Variants in IQCM observed in about 807,000 individuals in gnomAD.
IQCM encodes IQ domain-containing protein M.
In IQCM, 45 loss-of-function variants were observed where a neutral mutation model predicts 57.6. The observed-to-expected ratio is 0.78, with a 90% CI of 0.62 to 1.00. IQCM has a LOEUF of 1.00. Ranked by LOEUF, IQCM falls within the 50% of genes least tolerant of loss-of-function variation. The pLI, the probability that IQCM is intolerant of heterozygous loss-of-function variation, is 0.00. For synonymous variants in IQCM, 148 were observed against 158.9 expected (o/e 0.93, Z 0.51); for missense variants, 468 against 511.6 (o/e 0.91, Z 0.82).
chr4:149,455,435 T>C (rs932246702), intron 12 of IQCM, among the ~76,000 whole-genome samples: 1 of 152,056 alleles, frequency 6.6e-6, no homozygotes, highest in African/African-American at 2.4e-5. Context: ...TGGTAGAACA[T>C]ATGACTGTTC....
intron 7 of IQCM, among the ~76,000 whole-genome samples, chr4:149,675,709 C>T (rs1761692443): frequency 6.6e-6 from 1 of 151,882 alleles, no homozygotes; most frequent in Non-Finnish European, 1.5e-5. Context: ...TAATGAGATC[C>T]GTCTTAAGAG....
intron 11 of IQCM, among the ~76,000 whole-genome samples, chr4:149,550,343 G>T (rs1375345231): frequency 6.6e-6 from 1 of 152,086 alleles, no homozygotes; most frequent in Non-Finnish European, 1.5e-5. Context: ...TATTGCCTAG[G>T]ATTAACTCCC....
chr4:149,510,985 T>A (rs539801540), intron 12 of IQCM, among the ~76,000 whole-genome samples: 1 of 152,338 alleles, frequency 6.6e-6, no homozygotes, highest in African/African-American at 2.4e-5. Flanking sequence ...ATCAAATGCA[T>A]AATTTTCATT....
chr4:149,476,450 C>T (rs899429327), intron 12 of IQCM, among the ~76,000 whole-genome samples: 6 of 151,970 alleles, frequency 3.9e-5, no homozygotes, highest in Admixed American at 1.3e-4. Flanking sequence ...AGGCAGAAAG[C>T]GATCAAACCA....
intron 5 of IQCM, among the ~76,000 whole-genome samples, chr4:149,719,723 T>G (rs1765288449): frequency 6.6e-6 from 1 of 152,222 alleles, no homozygotes; most frequent in Non-Finnish European, 1.5e-5. Flanking sequence ...TCATCCTTGT[T>G]GGATTAAGCC....
chr4:149,696,802 G>A (rs1763373898), intron 5 of IQCM, among the ~76,000 whole-genome samples: 1 of 152,072 alleles, frequency 6.6e-6, no homozygotes, highest in South Asian at 2.1e-4. Flanking sequence ...AAAAGTGTAA[G>A]AGACAAGATA....
In IQCM at chr4:149,733,352, G is replaced by C; in HGVS notation, c.277C>G (p.Leu93Val). The change falls in exon 5 of 14, where the codon CTT (leucine) becomes GTT (valine). Residue 93 changes from leucine to valine, a missense_variant. Transcript: ENST00000636793. Reference sequence around the variant, plus strand: ...TCCTGAAGATGCTCGCTTTTGGAAAGCTCCTTGGGAAAGCAAATCCTTCTG... The same window carrying C: ...TCCTGAAGATGCTCGCTTTTGGAAACCTCCTTGGGAAAGCAAATCCTTCTG... ...ALRRICFPKELSKSEHLQEPP... is the reference protein window; with the variant it reads ...ALRRICFPKEVSKSEHLQEPP... 8.1e-7 allele frequency: 1 copy of C among 1,231,770 alleles called. No individual in the cohort carries two copies. The highest frequency in any genetic ancestry group is 1.0e-6 in the Non-Finnish European group (1 of 987,750). 76.3% of individuals were successfully genotyped at this position (1,231,770 alleles called of 1,614,324 possible). A position where few individuals can be genotyped will look rare whatever the true frequency, so the allele number is the denominator to read the frequency against.
At chr4:149,578,358 G>A (rs535924614) in intron 9 of IQCM, among the ~76,000 whole-genome samples, 1 of 151,666 alleles carries the variant, frequency 6.6e-6, no homozygotes, top group African/African-American at 2.4e-5. Flanking sequence ...TTACCGGTAG[G>A]ATACTGAAAA....
At chr4:149,440,893 A>T (rs1735874645) in intron 12 of IQCM, among the ~76,000 whole-genome samples, 1 of 152,148 alleles carries the variant, frequency 6.6e-6, no homozygotes, top group Non-Finnish European at 1.5e-5. Context: ...TTTATTGATT[A>T]TACTAATGTT....
chr4:149,425,386 C>T (rs888184071), intron 13 of IQCM, among the ~76,000 whole-genome samples: 3 of 151,852 alleles, frequency 2.0e-5, no homozygotes, highest in African/African-American at 7.3e-5. Context: ...AGCTAATGGT[C>T]CAAACCCAAA....
At chr4:149,385,935 A>G (rs1341666970) in intron 13 of IQCM, among the ~76,000 whole-genome samples, 2 of 152,118 alleles carry the variant, frequency 1.3e-5, no homozygotes, top group Non-Finnish European at 2.9e-5. Flanking sequence ...ACTGAACTAC[A>G]TTCCTTTCAT....
chr4:149,481,705 T>TG (rs1553975400), intron 12 of IQCM, among the ~76,000 whole-genome samples: 8 of 133,146 alleles, frequency 6.0e-5, no homozygotes, highest in African/African-American at 2.3e-4. Flanking sequence ...AGTTTTGTTT[T>TG]TTTTTTTTTT....
intron 12 of IQCM, among the ~76,000 whole-genome samples, chr4:149,526,328 G>A (rs1379949325): frequency 2.0e-5 from 3 of 151,882 alleles, no homozygotes; most frequent in Non-Finnish European, 4.4e-5. Flanking sequence ...ACATTGAAAC[G>A]GGTTAGAAGA....
intron 13 of IQCM, among the ~76,000 whole-genome samples, chr4:149,385,184 C>A (rs1731336765): frequency 6.6e-6 from 1 of 152,056 alleles, no homozygotes; most frequent in South Asian, 2.1e-4. Flanking sequence ...TAATCTGCCT[C>A]CATATTCATA....
rs565712470 is a variant in IQCM at position 149,376,413 on chromosome 4, G to A, written c.1391-24347C>T. 1.8e-4 allele frequency among the ~76,000 whole-genome samples: 27 copies of A among 152,122 alleles called. No individual in the cohort carries two copies. In the East Asian group the frequency reaches 5.2e-3, roughly 29 times the overall value. On this transcript the variant is annotated intron_variant, in intron 13 of 13. Coordinates refer to ENST00000636793, the MANE Select transcript of IQCM (RefSeq NM_001363507.2). ...AAGACTGAATAAAGGACTCTAAAGCGATAAACTGCAGAGAGATACAAGATG... is the reference window on the plus strand; with the variant it reads ...AAGACTGAATAAAGGACTCTAAAGCAATAAACTGCAGAGAGATACAAGATG...
chr4:149,725,212 G>A (rs1387592458), intron 5 of IQCM, among the ~76,000 whole-genome samples: 1 of 152,070 alleles, frequency 6.6e-6, no homozygotes, highest in African/African-American at 2.4e-5. Flanking sequence ...TTCAGTTTAT[G>A]GAAGATAATG....
chr4:149,450,092 A>C (rs1177485247), intron 12 of IQCM, among the ~76,000 whole-genome samples: 1 of 151,934 alleles, frequency 6.6e-6, no homozygotes, highest in Non-Finnish European at 1.5e-5. Flanking sequence ...AAAAGTGCCA[A>C]GAACATATAC....
intron 7 of IQCM, among the ~76,000 whole-genome samples, chr4:149,666,534 T>G (rs1255155915): frequency 6.6e-6 from 1 of 152,034 alleles, no homozygotes; most frequent in Non-Finnish European, 1.5e-5. Context: ...CTGCAGGAGT[T>G]TTTGTTCATA....
intron 12 of IQCM, among the ~76,000 whole-genome samples, chr4:149,546,473 C>T (rs1370625428): frequency 6.6e-6 from 1 of 152,216 alleles, no homozygotes; most frequent in Non-Finnish European, 1.5e-5. Flanking sequence ...ACATCCTCTC[C>T]AGCACCTGCT....
Sources: allele counts gnomAD v4.1 joint callset (sites outside exome capture counted in the v4.1 genomes callset), GRCh38; gene constraint gnomAD v4.1.1; transcripts MANE v1.5; gene names NCBI Gene and HGNC (gene_info 2026-07-23, HGNC 2026-07-21).